Variants in CNTN5 observed in about 807,000 individuals in gnomAD.
The protein encoded by CNTN5 is contactin-5.
Under a neutral mutation model 129.1 loss-of-function variants are expected in CNTN5, and 77 were observed. The ratio of observed to expected loss-of-function variants is 0.60; its 90% CI spans 0.50 to 0.72. The LOEUF is 0.72. Among genes scored for constraint, CNTN5 ranks in the 30% least tolerant of loss-of-function variants. The probability of loss-of-function intolerance (pLI) is 0.00; values close to 1 mark genes in which losing one functional copy is unlikely to be tolerated. For synonymous variants in CNTN5, 509 were observed against 465.6 expected (o/e 1.09, Z -1.20); for missense variants, 1,478 against 1,328.8 (o/e 1.11, Z -1.75).
chr11:99,343,792 AAATC>A (rs975627607), intron 2 of CNTN5, among the ~76,000 whole-genome samples: 8 of 152,188 alleles, frequency 5.3e-5, no homozygotes, highest in African/African-American at 1.9e-4. Flanking sequence ...AGTTTCATAT[AAATC>A]AATCAGATAC....
intron 8 of CNTN5, among the ~76,000 whole-genome samples, chr11:99,974,553 A>G (rs1937807682): frequency 6.6e-6 from 1 of 152,194 alleles, no homozygotes; most frequent in African/African-American, 2.4e-5. Flanking sequence ...AATAAATGTC[A>G]TGAAGGATAT....
intron 1 of CNTN5, among the ~76,000 whole-genome samples, chr11:99,195,718 A>G (rs1349456945): frequency 2.0e-5 from 3 of 152,080 alleles, no homozygotes; most frequent in Non-Finnish European, 4.4e-5. Flanking sequence ...TAATTTACAA[A>G]TGGACTAAAA....
intron 2 of CNTN5, among the ~76,000 whole-genome samples, chr11:99,495,367 C>A (rs1467843997): frequency 2.0e-5 from 3 of 152,036 alleles, no homozygotes; most frequent in African/African-American, 4.8e-5. Context: ...GACTTTGTCT[C>A]AAAAAATTAA....
intron 1 of CNTN5, among the ~76,000 whole-genome samples, chr11:99,088,862 A>G (rs1443161271): frequency 3.9e-5 from 6 of 152,214 alleles, no homozygotes; most frequent in Non-Finnish European, 8.8e-5. Context: ...TAAGGAAATC[A>G]ATGTTTATCA....
chr11:100,335,770 A>AG (rs1206416209), intron 21 of CNTN5, among the ~76,000 whole-genome samples: 2 of 151,662 alleles, frequency 1.3e-5, no homozygotes, highest in Non-Finnish European at 2.9e-5. Context: ...TCCATCTCAA[A>AG]AAAAAAAAGC....
intron 3 of CNTN5, among the ~76,000 whole-genome samples, chr11:99,619,718 A>G (rs990607258): frequency 1.3e-5 from 2 of 152,148 alleles, no homozygotes; most frequent in African/African-American, 4.8e-5. Context: ...GGTCTTACAT[A>G]AAATGTGAAA....
chr11:99,814,976 A>G (rs1387294706), intron 3 of CNTN5, among the ~76,000 whole-genome samples: 1 of 152,082 alleles, frequency 6.6e-6, no homozygotes, highest in Non-Finnish European at 1.5e-5. Context: ...GTGGATCTTG[A>G]CAAACACTTA....
intron 3 of CNTN5, among the ~76,000 whole-genome samples, chr11:99,664,887 A>G (rs1395715359): frequency 6.6e-6 from 1 of 152,156 alleles, no homozygotes; most frequent in Non-Finnish European, 1.5e-5. Flanking sequence ...ATGCTAATTT[A>G]GCTAATATGG....
Position 100,271,072 on chromosome 11 carries a change from A to G in CNTN5, c.2165-20A>G. 6.3e-7 allele frequency: 1 copy of G among 1,576,936 alleles called. No homozygotes were observed. The highest frequency in any genetic ancestry group is 8.6e-7 in the Non-Finnish European group (1 of 1,164,036). On this transcript the variant is annotated intron_variant, in intron 17 of 24. Transcript: ENST00000524871. ...TTTTCTAGTCCTCATAATGACATGAAATTTCCTTCCTTTCTATAGTCCCAG... is the reference window on the plus strand; with the variant it reads ...TTTTCTAGTCCTCATAATGACATGAGATTTCCTTCCTTTCTATAGTCCCAG...
chr11:100,016,722 T>A (rs1940839624), intron 9 of CNTN5, among the ~76,000 whole-genome samples: 1 of 152,032 alleles, frequency 6.6e-6, no homozygotes, highest in African/African-American at 2.4e-5. Flanking sequence ...TGTTTATGTA[T>A]GCACATGTGT....
intron 9 of CNTN5, among the ~76,000 whole-genome samples, chr11:100,008,142 A>G (rs1940307344): frequency 6.6e-6 from 1 of 152,100 alleles, no homozygotes; most frequent in Non-Finnish European, 1.5e-5. Context: ...ACATTGAAAG[A>G]TGACTAATCA....
At position 99,231,461 on chromosome 11, in the gene CNTN5, C is replaced by T. The variant is rs561487744; in HGVS notation, c.-209-93885C>T. 1.5e-4 allele frequency among the ~76,000 whole-genome samples: 23 copies of T among 152,192 alleles called. 1 individual carries two copies. The South Asian group carries it at 4.8e-3, about 32-fold the overall frequency. On this transcript the variant is annotated intron_variant, in intron 1 of 24. Transcript: ENST00000524871. ...ATAAACGTCTATTTTTGAGAAATGT[C>T]TGTCCGTGTCCTTTGCCCACTTTTT...
At chr11:99,671,274 T>G (rs1022302635) in intron 3 of CNTN5, among the ~76,000 whole-genome samples, 3 of 152,172 alleles carry the variant, frequency 2.0e-5, no homozygotes, top group African/African-American at 7.2e-5. Flanking sequence ...TTGGTCGTTA[T>G]GATATTGCCA....
At chr11:99,255,744 G>T (rs1408188578) in intron 1 of CNTN5, among the ~76,000 whole-genome samples, 2 of 150,912 alleles carry the variant, frequency 1.3e-5, no homozygotes, top group African/African-American at 4.9e-5. Flanking sequence ...TTATAATTTT[G>T]TAATATTTAT....
At chr11:99,608,355 A>G (rs879688536) in intron 3 of CNTN5, among the ~76,000 whole-genome samples, 3 of 152,130 alleles carry the variant, frequency 2.0e-5, no homozygotes, top group Non-Finnish European at 4.4e-5. Flanking sequence ...AAACAGTAAG[A>G]TTAGACTAGG....
intron 17 of CNTN5, among the ~76,000 whole-genome samples, chr11:100,268,682 A>G (rs549646171): frequency 5.3e-5 from 8 of 152,278 alleles, no homozygotes; most frequent in Non-Finnish European, 1.0e-4. Flanking sequence ...AGTTCCAGAG[A>G]CAATAGGAGA....
chr11:100,200,254 A>G (rs1215581203), intron 15 of CNTN5, among the ~76,000 whole-genome samples: 1 of 151,916 alleles, frequency 6.6e-6, no homozygotes, highest in Non-Finnish European at 1.5e-5. Context: ...TTTTTCACAC[A>G]TAGCAAAATG....
intron 3 of CNTN5, among the ~76,000 whole-genome samples, chr11:99,631,465 T>A (rs913057285): frequency 2.6e-5 from 4 of 151,998 alleles, no homozygotes; most frequent in African/African-American, 9.7e-5. Flanking sequence ...ATAAAAACAT[T>A]ATTGAAAATA....
At chr11:99,506,875 A>C (rs1180762618) in intron 2 of CNTN5, among the ~76,000 whole-genome samples, 1 of 152,192 alleles carries the variant, frequency 6.6e-6, no homozygotes, top group Non-Finnish European at 1.5e-5. Context: ...GATCAAATTT[A>C]ATGAGAACAA....
Sources: allele counts gnomAD v4.1 joint callset (sites outside exome capture counted in the v4.1 genomes callset), GRCh38; gene constraint gnomAD v4.1.1; transcripts MANE v1.5; gene names NCBI Gene and HGNC (gene_info 2026-07-23, HGNC 2026-07-21).